The following CDYL2 variants were observed in gnomAD, a reference collection of about 807,000 sequenced individuals.
CDYL2 encodes chromodomain Y like 2.
In CDYL2, 23 loss-of-function variants were observed where a neutral mutation model predicts 49.4. The observed-to-expected ratio is 0.47, with a 90% CI of 0.34 to 0.66. The LOEUF (loss-of-function observed/expected upper bound fraction) is 0.66. CDYL2 is among the 30% of genes least tolerant of loss of function. CDYL2 has a pLI of 0.01. For missense variants in CDYL2, 678 were observed against 656.4 expected (o/e 1.03, Z -0.36); for synonymous variants, 360 against 268.8 (o/e 1.34, Z -3.32).
chr16:80,613,852 G>A (rs1029352311), intron 4 of CDYL2, among the ~76,000 whole-genome samples: 1 of 152,138 alleles, frequency 6.6e-6, no homozygotes, highest in East Asian at 1.9e-4. Flanking sequence ...AAATCCAAAT[G>A]CCCATTACGT....
At chr16:80,792,449 C>T (rs1270730627) in intron 1 of CDYL2, among the ~76,000 whole-genome samples, 1 of 152,184 alleles carries the variant, frequency 6.6e-6, no homozygotes, top group Non-Finnish European at 1.5e-5. Context: ...TGATCCTGTG[C>T]TGTGTGTTGC....
chr16:80,609,847 AC>A (rs1398739979), intron 5 of CDYL2, among the ~76,000 whole-genome samples: 1 of 152,120 alleles, frequency 6.6e-6, no homozygotes, highest in African/African-American at 2.4e-5. Context: ...CCTGGTAAAG[AC>A]CCATAAAATT....
chr16:80,764,656 G>T (rs1200702294), intron 1 of CDYL2, among the ~76,000 whole-genome samples: 1 of 152,142 alleles, frequency 6.6e-6, no homozygotes, highest in Non-Finnish European at 1.5e-5. Context: ...AGCATCAATG[G>T]TATCTAATAT....
intron 1 of CDYL2, among the ~76,000 whole-genome samples, chr16:80,748,531 A>AAAAAAAAAAAAAAAAG (rs1567593938): frequency 6.9e-6 from 1 of 143,922 alleles, no homozygotes; most frequent in Non-Finnish European, 1.5e-5. Flanking sequence ...AAAAAAAAAA[A>AAAAAAAAAAAAAAAAG]AAAAAAAAAC....
intron 3 of CDYL2, among the ~76,000 whole-genome samples, chr16:80,621,394 C>T (rs549811608): frequency 1.3e-5 from 2 of 152,366 alleles, no homozygotes; most frequent in South Asian, 2.1e-4. Context: ...GCTCATACCC[C>T]GCACGGCCTG....
chr16:80,653,226 G>A (rs1908661400), intron 2 of CDYL2, among the ~76,000 whole-genome samples: 1 of 152,226 alleles, frequency 6.6e-6, no homozygotes, highest in African/African-American at 2.4e-5. Context: ...GGCACTTTGG[G>A]AGGCCAAGGC....
At chr16:80,657,188 A>C (rs1320574340) in intron 2 of CDYL2, among the ~76,000 whole-genome samples, 1 of 152,262 alleles carries the variant, frequency 6.6e-6, no homozygotes, top group African/African-American at 2.4e-5. Context: ...AAATTAAATT[A>C]ACATCATGAA....
chr16:80,779,063 G>C (rs535981142), intron 1 of CDYL2, among the ~76,000 whole-genome samples: 1 of 152,066 alleles, frequency 6.6e-6, no homozygotes, highest in East Asian at 1.9e-4. Context: ...CATGAGGATA[G>C]CCTTCCCCTC....
intron 2 of CDYL2, among the ~76,000 whole-genome samples, chr16:80,681,765 G>A (rs1909976346): frequency 6.6e-6 from 1 of 152,204 alleles, no homozygotes; most frequent in African/African-American, 2.4e-5. Flanking sequence ...CCAGCCTCGG[G>A]CGCCTTCTCA....
rs561830855 is a variant in CDYL2 at position 80,724,647 on chromosome 16, T to A, written c.25-39518A>T. Among the ~76,000 whole-genome samples the A allele has an allele frequency of 5.6e-4, 85 of 152,310 alleles. 1 individual carries two copies. The highest frequency in any genetic ancestry group is 1.1e-3 in the Non-Finnish European group (75 of 68,018). ...TGTTTTATGAAGGCTTTGTTTCACA[T>A]ACATATACACACATGCATTTGTGTA... On this transcript the variant is annotated intron_variant, in intron 1 of 6. Transcript: ENST00000570137.
intron 1 of CDYL2, among the ~76,000 whole-genome samples, chr16:80,709,966 C>T (rs968707849): frequency 3.7e-4 from 56 of 149,430 alleles, no homozygotes; most frequent in Non-Finnish European, 1.5e-5. Context: ...TTCACTCTTT[C>T]GCCCAGCCTG....
At chr16:80,700,403 G>T (rs1021638426) in intron 1 of CDYL2, among the ~76,000 whole-genome samples, 3 of 152,178 alleles carry the variant, frequency 2.0e-5, no homozygotes, top group African/African-American at 7.2e-5. Context: ...AAATGACAAT[G>T]GACTGAGAAA....
chr16:80,710,644 CAG>C lies in CDYL2; in HGVS notation c.25-25517_25-25516del, dbSNP rs1161178655. ...GGTTAACTGTATGAAAACAAGGACA[CAG>C]AGGACAATAATGATTTTAGTTGTAT... On this transcript the variant is annotated intron_variant, in intron 1 of 6. Transcript: ENST00000570137. 2.6e-5 allele frequency among the ~76,000 whole-genome samples: 4 copies of C among 152,194 alleles called. No individual in the cohort carries two copies. In the East Asian group the frequency reaches 7.7e-4, roughly 29 times the overall value.
At chr16:80,739,571 C>T (rs1905660796) in intron 1 of CDYL2, among the ~76,000 whole-genome samples, 1 of 152,160 alleles carries the variant, frequency 6.6e-6, no homozygotes, top group Non-Finnish European at 1.5e-5. Flanking sequence ...AGCAGCCGGG[C>T]ACCAGCAGTC....
In CDYL2 at chr16:80,604,483, C is replaced by T. The variant is rs1906242720; in HGVS notation, c.1426G>A (p.Glu476Lys). Residue 476 changes from glutamate to lysine, a missense_variant, in exon 7 of 7, where the codon GAG becomes AAG. Transcript: ENST00000570137. ...FLKSVLEDVN[E>K]KECLMLKQLW... is the part of the protein sequence containing the mutation. ...TGCTTGAGCATGAGGCATTCCTTCT[C>T]GTTCACGTCTTCCAGCACTGATTTC... The T allele has an allele frequency of 1.2e-6, 2 of 1,614,180 alleles. No individual in the cohort carries two copies. The highest frequency in any genetic ancestry group is 1.7e-6 in the Non-Finnish European group (2 of 1,180,022).
At chr16:80,668,309 C>T (rs1483361472) in intron 2 of CDYL2, among the ~76,000 whole-genome samples, 1 of 152,090 alleles carries the variant, frequency 6.6e-6, no homozygotes, top group Non-Finnish European at 1.5e-5. Context: ...GAGGCCTTGG[C>T]TAACAGATAA....
rs538309327 is a variant in CDYL2 at position 80,788,424 on chromosome 16, C to T, written c.24+15726G>A. The stretch of plus-strand genomic sequence containing the variant: ...ACACCAAAGCTGCCCTGTGCAATCC[C>T]TCTCTTGAACAATACAACAGACACC... On this transcript the variant is annotated intron_variant, in intron 1 of 6. Transcript: ENST00000570137. Among the ~76,000 whole-genome samples, 5 of 152,360 alleles carry T rather than the reference C, an allele frequency of 3.3e-5. No homozygotes were observed. The South Asian group carries it at 1.0e-3, about 32-fold the overall frequency.
chr16:80,801,229 C>T (rs985162024), intron 1 of CDYL2, among the ~76,000 whole-genome samples: 8 of 152,212 alleles, frequency 5.3e-5, no homozygotes, highest in African/African-American at 1.9e-4. Flanking sequence ...GGCTACAATG[C>T]ACCAGAAGAT....
chr16:80,714,712 C>T (rs1035330780), intron 1 of CDYL2, among the ~76,000 whole-genome samples: 4 of 152,154 alleles, frequency 2.6e-5, no homozygotes, highest in Admixed American at 6.5e-5. Flanking sequence ...TCCTGGAACC[C>T]TGACAAGAAA....
Sources: allele counts gnomAD v4.1 joint callset (sites outside exome capture counted in the v4.1 genomes callset), GRCh38; gene constraint gnomAD v4.1.1; transcripts MANE v1.5; gene names NCBI Gene and HGNC (gene_info 2026-07-23, HGNC 2026-07-21).